The following COL4A6 variants were observed in gnomAD, a reference collection of about 807,000 sequenced individuals.
COL4A6 encodes collagen type IV alpha 6 chain.
COL4A6 carries 59 observed loss-of-function variants against 126.7 expected under a neutral mutation model. That is an observed-to-expected ratio of 0.47 (90% CI 0.38 to 0.58). COL4A6 has a LOEUF of 0.58. Among genes scored for constraint, COL4A6 ranks in the 20% least tolerant of loss-of-function variants. COL4A6 has a pLI of 0.00. For synonymous variants in COL4A6, 547 were observed against 496.6 expected, an observed-to-expected ratio of 1.10 and a Z score of -1.35; for missense variants, 1,285 against 1,337.3, an observed-to-expected ratio of 0.96 and a Z score of 0.61.
chrX:108,295,221 T>C (rs1462109758), intron 3 of COL4A6, among the ~76,000 whole-genome samples: 2 of 112,131 alleles, frequency 1.8e-5, no homozygotes, highest in Non-Finnish European at 3.8e-5. Flanking sequence ...TCATTTGGCA[T>C]CTACAGGAGG....
intron 2 of COL4A6, among the ~76,000 whole-genome samples, chrX:108,371,095 C>G (rs973487846): frequency 1.8e-5 from 2 of 110,467 alleles, no homozygotes; most frequent in African/African-American, 6.6e-5. Context: ...GTTCAAACCT[C>G]TATTCTTGGA....
intron 3 of COL4A6, among the ~76,000 whole-genome samples, chrX:108,273,649 C>T (rs1398813231): frequency 8.9e-6 from 1 of 112,004 alleles, no homozygotes; most frequent in Admixed American, 9.4e-5. Flanking sequence ...TACTATGCAG[C>T]CATAAAAAGG....
At chrX:108,190,351 A>T in intron 20 of COL4A6, 41 bp downstream of exon 20, 1 of 970,671 alleles carries the variant, frequency 1.0e-6, no homozygotes, top group Non-Finnish European at 1.5e-6. Context: ...GCCTTCTCTA[A>T]GGAGTTTGGA....
At chrX:108,277,022 G>A (rs889546478) in intron 3 of COL4A6, among the ~76,000 whole-genome samples, 7 of 112,173 alleles carry the variant, frequency 6.2e-5, no homozygotes, top group African/African-American at 2.3e-4. Context: ...GTATAGAGGC[G>A]AAGATGGCCG....
chrX:108,254,875 T>C (rs1210899996), intron 3 of COL4A6, among the ~76,000 whole-genome samples: 1 of 109,271 alleles, frequency 9.2e-6, no homozygotes, highest in East Asian at 2.9e-4. Context: ...TGGGAGTAGG[T>C]GAGGAGAGGA....
chrX:108,260,714 G>C (rs887239871), intron 3 of COL4A6, among the ~76,000 whole-genome samples: 2 of 110,241 alleles, frequency 1.8e-5, no homozygotes, highest in Non-Finnish European at 3.8e-5. Context: ...CAGTAAACAC[G>C]TTCTTTTTTG....
At chrX:108,283,977 T>C (rs1454753048) in intron 3 of COL4A6, among the ~76,000 whole-genome samples, 1 of 111,077 alleles carries the variant, frequency 9.0e-6, no homozygotes, top group Non-Finnish European at 1.9e-5. Context: ...ACTTGAGAAA[T>C]GTGAGCAAGA....
chrX:108,299,176 G>C (rs1316565402), intron 3 of COL4A6, among the ~76,000 whole-genome samples: 1 of 111,806 alleles, frequency 8.9e-6, no homozygotes, highest in Non-Finnish European at 1.9e-5. Flanking sequence ...TGAATTCATA[G>C]AGTGTCTGAA....
intron 2 of COL4A6, among the ~76,000 whole-genome samples, chrX:108,385,526 AT>A (rs2040666393): frequency 9.0e-6 from 1 of 111,088 alleles, no homozygotes; most frequent in Non-Finnish European, 1.9e-5. Context: ...TGGTTTCCAG[AT>A]TAACCAAATC....
At chrX:108,403,233 G>GCTCT (rs59212608) in intron 2 of COL4A6, among the ~76,000 whole-genome samples, 2,678 of 62,141 alleles carry the variant, frequency 0.043, 127 homozygotes, top group East Asian at 0.14. Flanking sequence ...GCAAAGATTA[G>GCTCT]CTCTCTCTCT....
At chrX:108,313,436 TTGC>T (rs1476469343) in intron 2 of COL4A6, among the ~76,000 whole-genome samples, 1 of 111,975 alleles carries the variant, frequency 8.9e-6, no homozygotes, top group Non-Finnish European at 1.9e-5. Flanking sequence ...TTACTCTCCC[TTGC>T]TATCCTAAAA....
intron 2 of COL4A6, among the ~76,000 whole-genome samples, chrX:108,398,547 G>C (rs1016508617): frequency 1.8e-5 from 2 of 110,721 alleles, no homozygotes; most frequent in South Asian, 7.8e-4. Context: ...CCTTGTTCTG[G>C]GTGGTAGTTA....
chrX:108,421,935 T>C (rs1323402185), intron 2 of COL4A6, among the ~76,000 whole-genome samples: 1 of 112,556 alleles, frequency 8.9e-6, no homozygotes, highest in Admixed American at 9.4e-5. Flanking sequence ...AATGATATTA[T>C]AGCTTTTTGT....
intron 5 of COL4A6, among the ~76,000 whole-genome samples, chrX:108,219,087 T>C (rs746910155): frequency 8.9e-6 from 1 of 112,207 alleles, no homozygotes; most frequent in South Asian, 3.7e-4. Flanking sequence ...ACTAAGGGAT[T>C]AGGCTGGGTG....
chrX:108,280,606 T>A (rs1316439637), intron 3 of COL4A6, among the ~76,000 whole-genome samples: 1 of 111,678 alleles, frequency 9.0e-6, no homozygotes, highest in Non-Finnish European at 1.9e-5. Context: ...ACTATTCCAG[T>A]CAATAGAAAA....
At chrX:108,309,801 AACACACACACACACACAC>A (rs4036315) in intron 3 of COL4A6, among the ~76,000 whole-genome samples, 16 of 80,896 alleles carry the variant, frequency 2.0e-4, no homozygotes, top group Admixed American at 4.3e-4. Context: ...TAATCCTGGA[AACACACACACACACACAC>A]ACACACACAC....
At chrX:108,374,576 T>C in intron 2 of COL4A6, among the ~76,000 whole-genome samples, 1 of 111,426 alleles carries the variant, frequency 9.0e-6, no homozygotes, top group East Asian at 2.8e-4. Context: ...TTCTCAGGAG[T>C]GAGTAAATTC....
In COL4A6 at chrX:108,378,384, T is replaced by C. The variant is rs778265153; in HGVS notation, c.63+59558A>G. Among the ~76,000 whole-genome samples the C allele has an allele frequency of 4.5e-5, 5 of 112,298 alleles. No homozygotes were observed. In the South Asian group the frequency reaches 1.9e-3, roughly 42 times the overall value. ...AACCTATAAATATTATTTCTAATCA[T>C]ATATGGTCTCAGAACCCATTTTTTC... On this transcript the variant is annotated intron_variant, in intron 2 of 44. Transcript: ENST00000334504.
chrX:108,241,447 C>T (rs1300759004), intron 3 of COL4A6, among the ~76,000 whole-genome samples: 1 of 107,576 alleles, frequency 9.3e-6, no homozygotes, highest in East Asian at 2.9e-4. Flanking sequence ...CTATGCTGAA[C>T]TGCCATCCAG....
Sources: allele counts gnomAD v4.1 joint callset (sites outside exome capture counted in the v4.1 genomes callset), GRCh38; gene constraint gnomAD v4.1.1; transcripts MANE v1.5; gene names NCBI Gene and HGNC (gene_info 2026-07-23, HGNC 2026-07-21).